Variants in ABTB3 observed in about 807,000 individuals in gnomAD.
ABTB3 encodes the protein ankyrin repeat and BTB domain containing 3, also known as ankyrin repeat- and BTB/POZ domain-containing protein 3.
At chr12:107,360,045 G>T in the ABTB3 span, among the ~76,000 whole-genome samples, 1 of 152,028 alleles carries the variant, frequency 6.6e-6, no homozygotes, top group South Asian at 2.1e-4. Context: ...CCCAACTTAT[G>T]CTGAGTTATA....
the ABTB3 span, among the ~76,000 whole-genome samples, chr12:107,480,646 G>T: frequency 2.6e-4 from 39 of 152,152 alleles, no homozygotes; most frequent in Non-Finnish European, 4.6e-4. Context: ...AACTCTGAAG[G>T]GTCGTGGCTC....
the ABTB3 span, among the ~76,000 whole-genome samples, chr12:107,567,941 G>C: frequency 6.6e-6 from 1 of 152,150 alleles, no homozygotes; most frequent in East Asian, 1.9e-4. Context: ...GTTTGTATAA[G>C]TGCACTCTTG....
At chr12:107,544,198 G>A in the ABTB3 span, 9 of 1,550,036 alleles carry the variant, frequency 5.8e-6, no homozygotes, top group Non-Finnish European at 7.1e-6. Context: ...GGTGGGGCAA[G>A]TGTCCAGGAT....
At chr12:107,349,998 A>T in the ABTB3 span, among the ~76,000 whole-genome samples, 1 of 152,086 alleles carries the variant, frequency 6.6e-6, no homozygotes, top group African/African-American at 2.4e-5. Flanking sequence ...GAGATTGACA[A>T]TGCGAGAGCA....
the ABTB3 span, among the ~76,000 whole-genome samples, chr12:107,563,252 C>G: frequency 2.0e-5 from 3 of 152,174 alleles, no homozygotes; most frequent in Non-Finnish European, 2.9e-5. Flanking sequence ...GGGAAAACCA[C>G]CAGAATTTAA....
the ABTB3 span, among the ~76,000 whole-genome samples, chr12:107,527,209 G>A: frequency 6.6e-6 from 1 of 151,498 alleles, no homozygotes; most frequent in Non-Finnish European, 1.5e-5. Context: ...CTATATATTT[G>A]TTTATTTTCT....
chr12:107,410,785 TG>T, the ABTB3 span, among the ~76,000 whole-genome samples: 11 of 152,098 alleles, frequency 7.2e-5, no homozygotes, highest in Admixed American at 4.6e-4. Context: ...TAAGCAAGCT[TG>T]TCATGGGTTT....
chr12:107,504,871 C>T, the ABTB3 span, among the ~76,000 whole-genome samples: 163 of 152,326 alleles, frequency 1.1e-3, no homozygotes, highest in African/African-American at 3.6e-3. Flanking sequence ...TTCCAGCCCC[C>T]TTTGATTTCT....
At chr12:107,509,972 CTCTG>C in the ABTB3 span, among the ~76,000 whole-genome samples, 3 of 152,172 alleles carry the variant, frequency 2.0e-5, no homozygotes, top group Non-Finnish European at 4.4e-5. Flanking sequence ...GCCAGGTTGT[CTCTG>C]TCTATTATCC....
At chr12:107,572,202 G>A in the ABTB3 span, among the ~76,000 whole-genome samples, 1 of 152,088 alleles carries the variant, frequency 6.6e-6, no homozygotes. Flanking sequence ...ATGCAAGACA[G>A]AGATAAAGAC....
chr12:107,641,997 C>A, the ABTB3 span: 1 of 1,164,366 alleles, frequency 8.6e-7, no homozygotes, highest in Non-Finnish European at 1.3e-6. Context: ...GGGGAAGAAA[C>A]AAGGTATTTC....
At chr12:107,420,553 A>G in the ABTB3 span, among the ~76,000 whole-genome samples, 1 of 152,158 alleles carries the variant, frequency 6.6e-6, no homozygotes, top group Admixed American at 6.5e-5. Context: ...ACCTCCCATC[A>G]GGTCCCTCCC....
the ABTB3 span, among the ~76,000 whole-genome samples, chr12:107,430,323 A>G: frequency 6.6e-6 from 1 of 152,240 alleles, no homozygotes; most frequent in Non-Finnish European, 1.5e-5. Context: ...ACATTTGCCC[A>G]GGCATCGCAG....
At chr12:107,396,822 T>G in the ABTB3 span, among the ~76,000 whole-genome samples, 1 of 152,218 alleles carries the variant, frequency 6.6e-6, no homozygotes, top group Non-Finnish European at 1.5e-5. Flanking sequence ...CAGGCAGCCC[T>G]TGATCTTGAA....
At chr12:107,499,703 T>A in the ABTB3 span, among the ~76,000 whole-genome samples, 2 of 150,968 alleles carry the variant, frequency 1.3e-5, no homozygotes, top group Non-Finnish European at 3.0e-5. Context: ...TTTTTTTTTT[T>A]AAGATAGAAT....
chr12:107,609,875 G>A, the ABTB3 span, among the ~76,000 whole-genome samples: 1 of 152,178 alleles, frequency 6.6e-6, no homozygotes, highest in Non-Finnish European at 1.5e-5. Flanking sequence ...GGGTTATGTG[G>A]GGATTCAATG....
At chr12:107,491,300 C>T in the ABTB3 span, among the ~76,000 whole-genome samples, 2 of 152,222 alleles carry the variant, frequency 1.3e-5, no homozygotes, top group Non-Finnish European at 2.9e-5. Context: ...GGCCTGCTCA[C>T]ACCATCAGTA....
chr12:107,318,768 C>A, the ABTB3 span: 4 of 695,860 alleles, frequency 5.7e-6, no homozygotes, highest in Non-Finnish European at 7.1e-6. Context: ...TATATTCCAG[C>A]GGCGGCAGTT....
the ABTB3 span, among the ~76,000 whole-genome samples, chr12:107,586,122 T>G: frequency 6.6e-6 from 1 of 151,890 alleles, no homozygotes; most frequent in East Asian, 1.9e-4. Context: ...CCATCAGGTG[T>G]TCGGAGAGCT....
Sources: allele counts gnomAD v4.1 joint callset (sites outside exome capture counted in the v4.1 genomes callset), GRCh38; gene constraint gnomAD v4.1.1; transcripts MANE v1.5; gene names NCBI Gene and HGNC (gene_info 2026-07-23, HGNC 2026-07-21).